UNC5D: variants seen among roughly 807,000 people sequenced by gnomAD.
UNC5D encodes the protein unc-5 netrin receptor D.
In UNC5D, 39 loss-of-function variants were observed where a neutral mutation model predicts 105.4. That is an observed-to-expected ratio of 0.37 (90% CI 0.29 to 0.48). The LOEUF (loss-of-function observed/expected upper bound fraction) is 0.48. UNC5D is among the 20% of genes least tolerant of loss of function. UNC5D has a pLI of 0.98. For synonymous variants in UNC5D, 452 were observed against 450.4 expected, an observed-to-expected ratio of 1.00 and a Z score of -0.04; for missense variants, 991 against 1,202.4, an observed-to-expected ratio of 0.82 and a Z score of 2.60.
rs112351729 is a variant in UNC5D at position 35,329,532 on chromosome 8, G to A, written c.103+93645G>A. On this transcript the variant is annotated intron_variant, in intron 1 of 16. Coordinates refer to ENST00000404895, the MANE Select transcript of UNC5D (RefSeq NM_080872.4). ...AATAGACAAGCACCAGGAAAATGCCGAGTGCTGTTAATTAGCTTGTGTTCC... is the reference window on the plus strand; with the variant it reads ...AATAGACAAGCACCAGGAAAATGCCAAGTGCTGTTAATTAGCTTGTGTTCC... Among the ~76,000 whole-genome samples the A allele has an allele frequency of 1.1e-3, 166 of 152,078 alleles. 2 individuals are homozygous for A. The highest frequency in any genetic ancestry group is 2.5e-3 in the African/African-American group (104 of 41,488).
At chr8:35,485,222 AT>A (rs994014311) in intron 1 of UNC5D, among the ~76,000 whole-genome samples, 3 of 152,146 alleles carry the variant, frequency 2.0e-5, no homozygotes, top group Non-Finnish European at 4.4e-5. Context: ...CTACTTCAGT[AT>A]TTGGCCTCAA....
chr8:35,618,522 A>G (rs1821166456), intron 4 of UNC5D, among the ~76,000 whole-genome samples: 2 of 152,206 alleles, frequency 1.3e-5, no homozygotes. Flanking sequence ...TTTTATTTAT[A>G]TGGCATTTCA....
chr8:35,362,409 G>A (rs1479643355), intron 1 of UNC5D, among the ~76,000 whole-genome samples: 2 of 152,106 alleles, frequency 1.3e-5, no homozygotes, highest in Non-Finnish European at 2.9e-5. Flanking sequence ...TGCCTTCTGG[G>A]TAGAGCACTT....
intron 1 of UNC5D, among the ~76,000 whole-genome samples, chr8:35,487,819 C>T (rs1314115488): frequency 6.6e-6 from 1 of 152,114 alleles, no homozygotes; most frequent in African/African-American, 2.4e-5. Context: ...CTGATGACAA[C>T]TTAGATGGAA....
intron 14 of UNC5D, among the ~76,000 whole-genome samples, chr8:35,761,701 C>T (rs1380499682): frequency 2.6e-5 from 4 of 152,142 alleles, no homozygotes; most frequent in African/African-American, 4.8e-5. Flanking sequence ...AATGGCTTTC[C>T]GCTCTATTCC....
At chr8:35,580,637 G>A (rs2589763) in intron 3 of UNC5D, among the ~76,000 whole-genome samples, 15,880 of 152,104 alleles carry the variant, frequency 0.1, 881 homozygotes, top group African/African-American at 0.14. Flanking sequence ...GTGTCAATGT[G>A]ATCTGACAAT....
chr8:35,617,041 TG>T (rs1345552362), intron 4 of UNC5D, among the ~76,000 whole-genome samples: 1 of 152,194 alleles, frequency 6.6e-6, no homozygotes, highest in Non-Finnish European at 1.5e-5. Flanking sequence ...CCAATCCTGC[TG>T]AGGCAGCATG....
At chr8:35,448,369 G>A (rs1328646950) in intron 1 of UNC5D, among the ~76,000 whole-genome samples, 1 of 152,010 alleles carries the variant, frequency 6.6e-6, no homozygotes, top group African/African-American at 2.4e-5. Context: ...ATGCTGATTG[G>A]GAGGCTGAAA....
chr8:35,348,841 T>C (rs1009821600), intron 1 of UNC5D, among the ~76,000 whole-genome samples: 7 of 151,856 alleles, frequency 4.6e-5, no homozygotes, highest in Admixed American at 2.6e-4. Flanking sequence ...TTTAGAGTCT[T>C]AAAAATTATC....
chr8:35,556,523 G>C (rs1447873655), intron 2 of UNC5D, among the ~76,000 whole-genome samples: 2 of 152,140 alleles, frequency 1.3e-5, no homozygotes, highest in Non-Finnish European at 2.9e-5. Flanking sequence ...AGTTTATTAA[G>C]AAAGTAAAGT....
chr8:35,585,436 C>T (rs1275587966), intron 3 of UNC5D, among the ~76,000 whole-genome samples: 1 of 151,920 alleles, frequency 6.6e-6, no homozygotes, highest in Non-Finnish European at 1.5e-5. Flanking sequence ...TTCGTTATTG[C>T]TGTAAGATTT....
chr8:35,758,694 G>C (rs951335442), intron 13 of UNC5D, among the ~76,000 whole-genome samples: 2 of 152,180 alleles, frequency 1.3e-5, no homozygotes, highest in Non-Finnish European at 2.9e-5. Flanking sequence ...GAAAGCTACA[G>C]GAGTGTTTCC....
intron 4 of UNC5D, among the ~76,000 whole-genome samples, chr8:35,677,871 T>C (rs1365335723): frequency 5.4e-5 from 8 of 149,118 alleles, no homozygotes; most frequent in African/African-American, 2.0e-4. Flanking sequence ...GAGTAGGTTT[T>C]TATAGGGTGT....
chr8:35,304,056 T>C (rs1302144992), intron 1 of UNC5D, among the ~76,000 whole-genome samples: 2 of 152,148 alleles, frequency 1.3e-5, no homozygotes, highest in Non-Finnish European at 2.9e-5. Flanking sequence ...ATTTGACTTC[T>C]AAAACAAAGA....
intron 1 of UNC5D, among the ~76,000 whole-genome samples, chr8:35,403,163 A>G (rs1427393818): frequency 2.0e-5 from 3 of 152,240 alleles, no homozygotes; most frequent in Non-Finnish European, 4.4e-5. Context: ...AAATGAAAGC[A>G]TAGCTATTTG....
intron 1 of UNC5D, among the ~76,000 whole-genome samples, chr8:35,310,194 C>T (rs890083766): frequency 2.0e-5 from 3 of 151,960 alleles, no homozygotes; most frequent in African/African-American, 7.3e-5. Flanking sequence ...GTATATAATC[C>T]AGTGTGGAAT....
At chr8:35,235,978 C>A in intron 1 of UNC5D, 91 bp downstream of exon 1, 1 of 1,116,166 alleles carries the variant, frequency 9.0e-7, no homozygotes, top group Non-Finnish European at 1.1e-6. Context: ...GTTGGCTTCC[C>A]AACTTGCGCC....
At chr8:35,718,895 G>T (rs914727021) in intron 8 of UNC5D, among the ~76,000 whole-genome samples, 1 of 152,080 alleles carries the variant, frequency 6.6e-6, no homozygotes, top group Non-Finnish European at 1.5e-5. Flanking sequence ...ATCTAGCAGA[G>T]ATATCAATTA....
intron 1 of UNC5D, among the ~76,000 whole-genome samples, chr8:35,340,731 C>A (rs1811400626): frequency 6.6e-6 from 1 of 152,020 alleles, no homozygotes; most frequent in African/African-American, 2.4e-5. Context: ...TACTTGAGGA[C>A]CTTAAAGTTG....
Sources: allele counts gnomAD v4.1 joint callset (sites outside exome capture counted in the v4.1 genomes callset), GRCh38; gene constraint gnomAD v4.1.1; transcripts MANE v1.5; gene names NCBI Gene and HGNC (gene_info 2026-07-23, HGNC 2026-07-21).